CACNA1B: variants seen among roughly 807,000 people sequenced by gnomAD.
CACNA1B encodes the protein voltage-dependent N-type calcium channel subunit alpha-1B.
In CACNA1B, 70 loss-of-function variants were observed where a neutral mutation model predicts 247.2. The ratio of observed to expected loss-of-function variants is 0.28; its 90% CI spans 0.23 to 0.35. CACNA1B has a LOEUF of 0.35. CACNA1B is among the 10% of genes least tolerant of loss of function. CACNA1B has a pLI of 1.00. For synonymous variants in CACNA1B, 1,231 were observed against 1,294.4 expected (o/e 0.95, Z 1.05); for missense variants, 2,367 against 3,197.4 (o/e 0.74, Z 6.26).
intron 37 of CACNA1B, among the ~76,000 whole-genome samples, chr9:138,101,766 C>T (rs1269527983): frequency 6.6e-6 from 1 of 152,226 alleles, no homozygotes; most frequent in African/African-American, 2.4e-5. Context: ...AGGGCAAGGC[C>T]CCAGGGCAGA....
chr9:137,949,970 G>A (rs1957860670), intron 6 of CACNA1B, among the ~76,000 whole-genome samples: 1 of 152,192 alleles, frequency 6.6e-6, no homozygotes, highest in African/African-American at 2.4e-5. Context: ...TTGGTTCTTA[G>A]TATGACAAGT....
At chr9:138,013,266 G>A in intron 18 of CACNA1B, 31 bp downstream of exon 18, 2 of 1,501,994 alleles carry the variant, frequency 1.3e-6, no homozygotes, top group Non-Finnish European at 9.0e-7. Context: ...TTGTGGGGTG[G>A]CAGTGGGGCT....
At chr9:137,878,268 G>T (rs1347695988) in intron 1 of CACNA1B, 51 bp downstream of exon 1, 45 of 1,032,556 alleles carry the variant, frequency 4.4e-5, no homozygotes, top group Non-Finnish European at 5.5e-5. Flanking sequence ...CGGGGTGGGG[G>T]CCGGGGCCGG....
At chr9:138,116,340 G>T (rs1297725687) in intron 42 of CACNA1B, among the ~76,000 whole-genome samples, 1 of 152,142 alleles carries the variant, frequency 6.6e-6, no homozygotes, top group Non-Finnish European at 1.5e-5. Context: ...ATATTTCCGG[G>T]TAACAAATCA....
Position 138,011,960 on chromosome 9 carries a change from A to G in CACNA1B, c.2161-1169A>G, listed in dbSNP as rs146238637. Reference sequence around the variant, plus strand: ...GGACAACGTGGAAGTCGTAGCTTCCATTCTGAGGCCTGTGGTCTCAGCCGA... The same window carrying G: ...GGACAACGTGGAAGTCGTAGCTTCCGTTCTGAGGCCTGTGGTCTCAGCCGA... On this transcript the variant is annotated intron_variant, in intron 17 of 46. Transcript: ENST00000371372. This position sits in a 1 kb window ranked among gnomAD's most constrained non-coding sequence, Gnocchi z 4.2. Among the ~76,000 whole-genome samples, 929 of 152,280 alleles carry G rather than the reference A, an allele frequency of 6.1e-3. 5 individuals carry two copies. The highest frequency in any genetic ancestry group is 0.01 in the Non-Finnish European group (696 of 67,996).
chr9:138,049,212 A>G lies in CACNA1B; in HGVS notation c.3607A>G (p.Ile1203Val). 2 of 1,603,138 alleles carry G rather than the reference A, an allele frequency of 1.2e-6. 1 individual carries two copies. ...VFTFEMVIKM[I>V]DLGLLLHPGA... Reference sequence around the variant, plus strand: ...AACGTGTGTTTCTCCCTCCTAGATGATCGACTTGGGACTGCTGCTTCACCC... The same window carrying G: ...AACGTGTGTTTCTCCCTCCTAGATGGTCGACTTGGGACTGCTGCTTCACCC... Residue 1203 changes from isoleucine (I) to valine (V), a missense_variant, in exon 24 of 47, where the codon ATC becomes GTC. By Grantham distance (29) the Ile-to-Val change is conservative. Around this residue, in one of 12 missense-constraint regions of CACNA1B, gnomAD observed 436 missense variants for 679.5 expected, o/e 0.64. Transcript: ENST00000371372.
chr9:138,094,457 A>AAAAAAAAAAAAAAAAGAAG (rs752912258), intron 36 of CACNA1B, among the ~76,000 whole-genome samples: 8 of 134,884 alleles, frequency 5.9e-5, no homozygotes, highest in African/African-American at 8.1e-5. Context: ...AAAAAAAAAA[A>AAAAAAAAAAAAAAAAGAAG]AAGAAGAAGA....
At position 137,878,648 on chromosome 9, in the gene CACNA1B, T is replaced by G. The variant is rs943592239; in HGVS notation, c.285-406T>G. ...CTCGCGATGCGGGCTACATGCATGT[T>G]CACGTGCCTGTGTAGGTACATGTGG... On this transcript the variant is annotated intron_variant, in intron 1 of 46. Coordinates refer to ENST00000371372, the MANE Select transcript of CACNA1B (RefSeq NM_000718.4). Among the ~76,000 whole-genome samples the G allele has an allele frequency of 4.6e-5, 7 of 152,126 alleles. 1 individual carries two copies. Among genetic ancestry groups the G allele is most frequent in the African/African-American group, 1.7e-4 (7 of 41,450 alleles).
chr9:138,046,220 C>T (rs1283007744), intron 21 of CACNA1B, among the ~76,000 whole-genome samples: 1 of 152,220 alleles, frequency 6.6e-6, no homozygotes, highest in Non-Finnish European at 1.5e-5. Flanking sequence ...GTGTCCAGCA[C>T]ATGCCTGGCA....
chr9:138,059,660 T>A lies in CACNA1B; in HGVS notation c.4591T>A (p.Phe1531Ile). The A allele has an allele frequency of 6.3e-7, 1 of 1,599,032 alleles. No individual in the cohort carries two copies. The change falls in exon 31 of 47, where the codon TTC becomes ATC. Residue 1531 changes from phenylalanine to isoleucine, a missense_variant. Transcript: ENST00000371372. The surrounding 1 kb of genome is among the most constrained non-coding windows in gnomAD (Gnocchi z 4.2). The part of the protein sequence containing the change: ...KIIAFGVLNY[F>I]RDAWNVFDFV... ...TGCTCTTCTTTTTCTCTAGAACTAT[T>A]TCAGAGATGCCTGGAATGTCTTTGA...
intron 2 of CACNA1B, among the ~76,000 whole-genome samples, chr9:137,879,889 C>A (rs1183284015): frequency 6.6e-6 from 1 of 152,064 alleles, no homozygotes; most frequent in African/African-American, 2.4e-5. Context: ...CAGAGCATGT[C>A]CCCCAGCCCC....
chr9:137,911,087 ATTC>A (rs1372599686), intron 3 of CACNA1B, among the ~76,000 whole-genome samples: 1 of 152,016 alleles, frequency 6.6e-6, no homozygotes, highest in Non-Finnish European at 1.5e-5. Context: ...GTCCAACTTT[ATTC>A]TGCTTGGTTG....
At chr9:138,017,388 C>CGG (rs1958806753) in intron 18 of CACNA1B, among the ~76,000 whole-genome samples, 1 of 152,252 alleles carries the variant, frequency 6.6e-6, no homozygotes, top group South Asian at 2.1e-4. Context: ...AGTCCTGCCA[C>CGG]GGGGTCAGAC....
chr9:138,112,152 G>A (rs1259233028), intron 39 of CACNA1B, among the ~76,000 whole-genome samples: 2 of 130,630 alleles, frequency 1.5e-5, no homozygotes, highest in Non-Finnish European at 3.5e-5. Context: ...ACACACACGT[G>A]TGCACATGAG....
intron 6 of CACNA1B, among the ~76,000 whole-genome samples, chr9:137,929,070 AAT>A (rs1307806718): frequency 6.6e-6 from 1 of 152,188 alleles, no homozygotes; most frequent in African/African-American, 2.4e-5. Flanking sequence ...TTTTGCAAGG[AAT>A]ATGTTTTCAT....
intron 35 of CACNA1B, among the ~76,000 whole-genome samples, chr9:138,077,756 G>C (rs1236887299): frequency 6.6e-6 from 1 of 152,204 alleles, no homozygotes; most frequent in African/African-American, 2.4e-5. Flanking sequence ...GTTTTGGTTG[G>C]AGCAGCTGGA....
intron 6 of CACNA1B, among the ~76,000 whole-genome samples, chr9:137,929,283 G>T (rs1241517381): frequency 2.6e-5 from 4 of 152,188 alleles, no homozygotes; most frequent in Non-Finnish European, 5.9e-5. Flanking sequence ...GCCAGGAGTG[G>T]TGGTTTATGC....
At chr9:137,912,968 T>G (rs1000358182) in intron 3 of CACNA1B, among the ~76,000 whole-genome samples, 2 of 152,150 alleles carry the variant, frequency 1.3e-5, no homozygotes, top group African/African-American at 4.8e-5. Flanking sequence ...ATTCAGTTCC[T>G]GCCTCCTCTC....
intron 3 of CACNA1B, among the ~76,000 whole-genome samples, chr9:137,904,135 C>T (rs1386283444): frequency 2.0e-5 from 3 of 152,006 alleles, no homozygotes; most frequent in South Asian, 2.1e-4. Context: ...TTTTGGAAGT[C>T]GGGAGGGGCA....
Sources: gnomAD v4.1 joint callset for allele counts (sites outside exome capture counted in the v4.1 genomes callset) on GRCh38, gnomAD v4.1.1 for gene constraint, gnomAD v4.1.1 regional missense constraint, Gnocchi (gnomAD v3.1) non-coding constraint, MANE v1.5 for transcripts, NCBI Gene and HGNC (gene_info 2026-07-23, HGNC 2026-07-21) for gene names.